Variants in XDH observed in about 807,000 individuals in gnomAD.
The protein encoded by XDH is xanthine dehydrogenase/oxidase.
XDH carries 138 observed loss-of-function variants against 156.1 expected under a neutral mutation model. That is an observed-to-expected ratio of 0.88 (90% CI 0.77 to 1.02). XDH has a LOEUF of 1.02. XDH is among the 50% of genes least tolerant of loss of function. The probability of loss-of-function intolerance (pLI) is 0.00; values close to 1 mark genes in which losing one functional copy is unlikely to be tolerated. For missense variants in XDH, 1,849 were observed against 1,684.9 expected, an observed-to-expected ratio of 1.10 and a Z score of -1.71; for synonymous variants, 669 against 625.7, an observed-to-expected ratio of 1.07 and a Z score of -1.03.
In XDH at chr2:31,370,395, G is replaced by T. The variant is rs1004889512; in HGVS notation, c.1940C>A (p.Thr647Asn). The T allele has an allele frequency of 6.2e-7, 1 of 1,614,142 alleles. No homozygotes were observed. The highest frequency in any genetic ancestry group is 8.5e-7 in the Non-Finnish European group (1 of 1,180,026). The change falls in exon 18 of 36, where the codon ACT (threonine) becomes AAT (asparagine). Residue 647 changes from threonine to asparagine, a missense_variant. Thr to Asn is a moderately conservative substitution (Grantham distance 65). Coordinates refer to ENST00000379416, the MANE Select transcript of XDH (RefSeq NM_000379.4). Reference sequence around the variant, plus strand: ...GACTGTCTCATCATTACAAATTCCAGTTATGTTACTCCCAGGAACATCATC... The same window carrying T: ...GACTGTCTCATCATTACAAATTCCATTTATGTTACTCCCAGGAACATCATC... ...SADDVPGSNI[T>N]GICNDETVFA...
intron 19 of XDH, 147 bp downstream of exon 19, chr2:31,368,394 C>T (rs1157457618): frequency 8.5e-6 from 9 of 1,064,058 alleles, no homozygotes; most frequent in Non-Finnish European, 1.3e-5. Flanking sequence ...TTTCATGGGA[C>T]CCCAAATCCC....
At chr2:31,394,456 C>T (rs543775143) in intron 6 of XDH, among the ~76,000 whole-genome samples, 1 of 151,978 alleles carries the variant, frequency 6.6e-6, no homozygotes, top group South Asian at 2.1e-4. Flanking sequence ...TTTTCTTTAC[C>T]TTTGATTTTT....
At chr2:31,379,826 A>C (rs775309650) in intron 13 of XDH, 41 bp downstream of exon 13, 21 of 1,586,226 alleles carry the variant, frequency 1.3e-5, no homozygotes, top group Non-Finnish European at 1.8e-5. Context: ...TGGCAATAGG[A>C]CTTATTTGAG....
rs1686023000 is a variant in XDH, at chr2:31,369,738, A to C, written c.1980+617T>G. Among the ~76,000 whole-genome samples the C allele has an allele frequency of 2.6e-5, 4 of 152,308 alleles. No individual in the cohort carries two copies. In the South Asian group the frequency reaches 8.3e-4, roughly 32 times the overall value. ...ATGGAGTCTTTGTTCTCATATTTTT[A>C]GTTTTTTGTTATCTCCTTCACTTTT... On this transcript the variant is annotated intron_variant, in intron 18 of 35. Transcript: ENST00000379416.
chr2:31,402,744 G>T (rs513311), intron 3 of XDH, among the ~76,000 whole-genome samples: 8,770 of 152,212 alleles, frequency 0.058, 429 homozygotes, highest in African/African-American at 0.13. Flanking sequence ...GGCCTTGCCC[G>T]CTAAGCAAAG....
rs751688778 is a variant in XDH, at chr2:31,379,860, A to G, written c.1242+7T>C. 5.5e-5 allele frequency: 88 copies of G among 1,613,726 alleles called. No individual in the cohort carries two copies. In the East Asian group the frequency reaches 1.9e-3, roughly 35 times the overall value. ...AGCAGAGCCTGGAACCACTTCCAAC[A>G]TCTCACCTCCCTGCTGTAGGGGATC... On this transcript the variant is annotated splice_region_variant and intron_variant, in intron 13 of 35. Transcript: ENST00000379416.
At chr2:31,399,639 T>C (rs947740622) in intron 4 of XDH, among the ~76,000 whole-genome samples, 3 of 152,182 alleles carry the variant, frequency 2.0e-5, no homozygotes, top group Non-Finnish European at 2.9e-5. Context: ...TTCCCATGTG[T>C]TGCGAGAGGG....
chr2:31,407,643 G>A (rs1687229033), intron 1 of XDH, among the ~76,000 whole-genome samples: 1 of 152,188 alleles, frequency 6.6e-6, no homozygotes, highest in African/African-American at 2.4e-5. Flanking sequence ...AAAAGGCTCA[G>A]AAAGCCGGAA....
intron 6 of XDH, among the ~76,000 whole-genome samples, chr2:31,394,312 G>T (rs761744968): frequency 1.8e-4 from 28 of 152,020 alleles, no homozygotes; most frequent in Non-Finnish European, 3.4e-4. Context: ...AGGTGCTTTG[G>T]TTTTTTCTTT....
rs538087876 is a variant in XDH, at chr2:31,344,755, C to A, written c.3352-19G>T. 1 of 1,613,996 alleles carries A rather than the reference C, an allele frequency of 6.2e-7. No homozygotes were observed. The highest frequency in any genetic ancestry group is 1.3e-5 in the African/African-American group (1 of 75,040). On this transcript the variant is annotated intron_variant, in intron 30 of 35. Transcript: ENST00000379416. The stretch of plus-strand genomic sequence containing the variant: ...CTGTGACCTGAGGAGAGGAGATGGC[C>A]ATCAGGCAGGTGAAGTGAGGTTTTC...
In XDH at chr2:31,335,966, T is replaced by C. The variant is rs780939136; in HGVS notation, c.3994A>G (p.Arg1332Gly). The C allele has an allele frequency of 1.4e-5, 22 of 1,614,078 alleles. No individual in the cohort carries two copies. The highest frequency in any genetic ancestry group is 1.9e-5 in the Non-Finnish European group (22 of 1,180,038). ...TGCTGAGGACTCTCTCTTTAGACCC[T>C]CACAGACCAGGGTTTGCAGTTTTCT... ...VPENCKPWSV[R>G]V Residue 1332 changes from arginine (R) to glycine (G), a missense_variant, in exon 36 of 36, where the codon AGG becomes GGG. Arg to Gly is a moderately radical substitution (Grantham distance 125). Coordinates refer to ENST00000379416, the MANE Select transcript of XDH (RefSeq NM_000379.4).
chr2:31,384,119 AGTGTGTGT>A (rs3065136), intron 9 of XDH: 134 of 284,696 alleles, frequency 4.7e-4, no homozygotes, highest in Admixed American at 1.2e-3. Context: ...AATTCACTCT[AGTGTGTGT>A]GTGTGTGTGT....
Position 31,387,834 on chromosome 2 carries a change from G to T in XDH, c.628C>A (p.Pro210Thr). 6.3e-7 allele frequency: 1 copy of T among 1,586,134 alleles called. No individual in the cohort carries two copies. Among genetic ancestry groups the T allele is most frequent in the Non-Finnish European group, 8.6e-7 (1 of 1,166,506 alleles). Residue 210 changes from proline to threonine, a missense_variant, in exon 8 of 36, where the codon CCC becomes ACC. Coordinates refer to ENST00000379416, the MANE Select transcript of XDH (RefSeq NM_000379.4). ...EFTPLDPTQE[P>T]IFPPELLRLK... Reference sequence around the variant, plus strand: ...ACCAGCAACTCTGGGGGAAAAATGGGCTCCTGGGTTGGATCCAGGGGCGTG... The same window carrying T: ...ACCAGCAACTCTGGGGGAAAAATGGTCTCCTGGGTTGGATCCAGGGGCGTG...
chr2:31,396,720 A>G (rs182851789), intron 6 of XDH, among the ~76,000 whole-genome samples: 66 of 152,322 alleles, frequency 4.3e-4, no homozygotes, highest in Non-Finnish European at 1.9e-4. Context: ...AGTGCCTCAA[A>G]TTGAACCCAG....
At chr2:31,375,765 C>G (rs1428229005) in intron 14 of XDH, among the ~76,000 whole-genome samples, 4 of 152,140 alleles carry the variant, frequency 2.6e-5, no homozygotes, top group Non-Finnish European at 5.9e-5. Flanking sequence ...AAAAGACCAC[C>G]AAAATAATAA....
rs1008705348 is a variant in XDH at position 31,350,097 on chromosome 2, C to G, written c.2758G>C (p.Gly920Arg). 3 of 1,614,118 alleles carry G rather than the reference C, an allele frequency of 1.9e-6. No homozygotes were observed. In the East Asian group the frequency reaches 6.7e-5, roughly 36 times the overall value. The change falls in exon 25 of 36, where the codon GGG (glycine) becomes CGG (arginine). Residue 920 changes from glycine (G) to arginine (R), a missense_variant. Physicochemically the swap from Gly to Arg is moderately radical, Grantham distance 125 (BLOSUM62 -2). Transcript: ENST00000379416. ...TAFRGFGGPQ[G>R]MLIAECWMSE... is the part of the protein sequence containing the mutation. ...ATCCAGCACTCGGCAATGAGCATCC[C>G]CTGGGGCCCCCCAAAGCCCCGGAAG...
intron 6 of XDH, among the ~76,000 whole-genome samples, chr2:31,395,993 G>A (rs1286877743): frequency 3.3e-5 from 5 of 152,128 alleles, no homozygotes. Context: ...ACCTCTAGTT[G>A]ACCCTCCACA....
chr2:31,355,076 G>C (rs1397661325), intron 24 of XDH, among the ~76,000 whole-genome samples: 1 of 152,142 alleles, frequency 6.6e-6, no homozygotes, highest in Non-Finnish European at 1.5e-5. Flanking sequence ...AGCCTAATTA[G>C]AATGACAGAG....
chr2:31,388,139 C>T (rs910214825), intron 7 of XDH, 88 bp downstream of exon 7: 1 of 1,477,816 alleles, frequency 6.8e-7, no homozygotes, highest in Non-Finnish European at 9.4e-7. Flanking sequence ...TCTTCCAGCC[C>T]CCACCGCCAG....
Sources: gnomAD v4.1 joint callset for allele counts (sites outside exome capture counted in the v4.1 genomes callset) on GRCh38, gnomAD v4.1.1 for gene constraint, MANE v1.5 for transcripts, NCBI Gene and HGNC (gene_info 2026-07-23, HGNC 2026-07-21) for gene names.